The following CAP1 variants were observed in gnomAD, a reference collection of about 807,000 sequenced individuals.
CAP1 encodes cyclase associated actin cytoskeleton regulatory protein 1.
CAP1 carries 11 observed loss-of-function variants against 58.2 expected under a neutral mutation model. The observed-to-expected ratio is 0.19, with a 90% CI of 0.12 to 0.31. The LOEUF (loss-of-function observed/expected upper bound fraction) is 0.31, where lower values mean the gene tolerates loss of function less well. Among genes scored for constraint, CAP1 ranks in the 10% least tolerant of loss-of-function variants. The pLI, the probability that CAP1 is intolerant of heterozygous loss-of-function variation, is 1.00. For synonymous variants in CAP1, 183 were observed against 213.8 expected (o/e 0.86, Z 1.26); for missense variants, 423 against 587.5 (o/e 0.72, Z 2.89).
At chr1:40,043,022 T>C (rs1645910525) in intron 1 of CAP1, among the ~76,000 whole-genome samples, 1 of 152,196 alleles carries the variant, frequency 6.6e-6, no homozygotes, top group African/African-American at 2.4e-5. Context: ...TTGAGGTGTT[T>C]GTAGCACATC....
chr1:40,053,675 G>A (rs557419207), intron 1 of CAP1, among the ~76,000 whole-genome samples: 5 of 152,186 alleles, frequency 3.3e-5, no homozygotes, highest in South Asian at 2.1e-4. Flanking sequence ...TCGAACTCCC[G>A]ACCTCAGGTG....
At chr1:40,058,842 C>G (rs1458378094) in intron 1 of CAP1, among the ~76,000 whole-genome samples, 1 of 152,128 alleles carries the variant, frequency 6.6e-6, no homozygotes, top group African/African-American at 2.4e-5. Flanking sequence ...CCAGAAGGAT[C>G]AGATAAGGAT....
intron 1 of CAP1, among the ~76,000 whole-genome samples, chr1:40,043,541 G>C (rs925844662): frequency 3.9e-5 from 6 of 152,232 alleles, no homozygotes; most frequent in Admixed American, 3.9e-4. Context: ...ATTTGATTTT[G>C]TGGGTGGCAG....
chr1:40,071,648 C>G lies in CAP1; in HGVS notation c.*115C>G. ...TTGCTCTTAAAACTGCTTCTCTGCT[C>G]TGAGAAGCACAGCTACCTGCCTTCA... On this transcript the variant is annotated 3_prime_UTR_variant, in exon 13 of 13. Transcript: ENST00000372805. 1 of 674,050 alleles carries G rather than the reference C, an allele frequency of 1.5e-6. No homozygotes were observed. The highest frequency in any genetic ancestry group is 2.6e-6 in the Non-Finnish European group (1 of 386,366). 41.8% of individuals were successfully genotyped at this position (674,050 alleles called of 1,614,324 possible). A position where few individuals can be genotyped will look rare whatever the true frequency, so the allele number is the denominator to read the frequency against.
chr1:40,059,242 C>A, intron 1 of CAP1, 95 bp from the exon 2 acceptor site: 1 of 671,572 alleles, frequency 1.5e-6, no homozygotes, highest in South Asian at 1.8e-5. Flanking sequence ...GCATCCTCTT[C>A]ATCCACCTGG....
At chr1:40,059,508 G>GAA (rs1646757461) in intron 2 of CAP1, 50 bp downstream of exon 2, 1 of 1,139,000 alleles carries the variant, frequency 8.8e-7, no homozygotes, top group African/African-American at 1.5e-5. Context: ...GTCTTGGCCT[G>GAA]AAAATTTTCT....
intron 7 of CAP1, among the ~76,000 whole-genome samples, chr1:40,067,115 C>A (rs564584313): frequency 6.6e-6 from 1 of 152,250 alleles, no homozygotes; most frequent in South Asian, 2.1e-4. Flanking sequence ...AAGTTGGAAT[C>A]CTCAAAGAAG....
rs577552947 is a variant in CAP1 at position 40,070,813 on chromosome 1, A to G, written c.1201-23A>G. On this transcript the variant is annotated intron_variant, in intron 11 of 12. Coordinates refer to ENST00000372805, the MANE Select transcript of CAP1 (RefSeq NM_006367.4). ...TTGTCCTTCCCAACCACTGGGACTC[A>G]GTTCTCTTTGTTTACTCTGCAGGTA... The G allele has an allele frequency of 3.5e-5, 55 of 1,593,796 alleles. No homozygotes were observed. In the South Asian group the frequency reaches 6.0e-4, roughly 18 times the overall value.
At position 40,072,268 on chromosome 1, in the gene CAP1, A is replaced by AAAC. The variant is rs1553165777; in HGVS notation, c.*737_*738insCAA. The AAAC allele has an allele frequency of 5.5e-3, 1,822 of 332,370 alleles. 1 individual carries two copies. The highest frequency in any genetic ancestry group is 0.013 in the East Asian group (289 of 22,882). The allele number at this position is 332,370 out of a possible 1,614,324, so 20.6% of individuals were successfully genotyped here. On this transcript the variant is annotated 3_prime_UTR_variant, in exon 13 of 13. Transcript: ENST00000372805. ...CTTTAAAAGGAAAAAAAAAAAAAAA[A>AAAC]AAACCCACATGATTTCAAGGAGTCT...
At chr1:40,069,187 T>C (rs1196384848) in intron 8 of CAP1, among the ~76,000 whole-genome samples, 1 of 152,226 alleles carries the variant, frequency 6.6e-6, no homozygotes, top group Admixed American at 6.5e-5. Context: ...GTGTCAATAG[T>C]TGAACTAAAT....
At chr1:40,051,662 G>A (rs1390282014) in intron 1 of CAP1, among the ~76,000 whole-genome samples, 2 of 152,038 alleles carry the variant, frequency 1.3e-5, no homozygotes, top group African/African-American at 2.4e-5. Context: ...CGCAAGCTCC[G>A]CCTCCCGGGT....
chr1:40,068,654 G>C (rs1647238680), intron 8 of CAP1, among the ~76,000 whole-genome samples: 1 of 151,682 alleles, frequency 6.6e-6, no homozygotes, highest in Non-Finnish European at 1.5e-5. Flanking sequence ...AAAAAATCTA[G>C]TATGTAAATT....
intron 1 of CAP1, among the ~76,000 whole-genome samples, chr1:40,045,036 G>C (rs190641927): frequency 6.6e-6 from 1 of 151,696 alleles, no homozygotes; most frequent in Non-Finnish European, 1.5e-5. Context: ...TGCTCGCCTC[G>C]GCCTCCCAAG....
chr1:40,058,551 C>A (rs1053163638), intron 1 of CAP1, among the ~76,000 whole-genome samples: 13 of 152,038 alleles, frequency 8.6e-5, no homozygotes, highest in African/African-American at 3.1e-4. Context: ...CACAGTGAAA[C>A]CCTGTCGCTA....
rs1648011250 is a variant in CAP1 at position 40,071,442 on chromosome 1, A to C, written c.1345-8A>C. On this transcript the variant is annotated splice_polypyrimidine_tract_variant and splice_region_variant and intron_variant, in intron 12 of 12. Coordinates refer to ENST00000372805, the MANE Select transcript of CAP1 (RefSeq NM_006367.4). The stretch of plus-strand genomic sequence containing the variant: ...GATTTAAACCTGCTGTCTCTTCTTT[A>C]TTTGCAGAATGAATTCCCAGTTCCT... 6.2e-7 allele frequency: 1 copy of C among 1,604,070 alleles called. No homozygotes were observed. The highest frequency in any genetic ancestry group is 1.3e-5 in the African/African-American group (1 of 74,670).
chr1:40,062,261 G>T (rs951946598), intron 4 of CAP1, among the ~76,000 whole-genome samples: 1 of 152,070 alleles, frequency 6.6e-6, no homozygotes, highest in African/African-American at 2.4e-5. Context: ...AAATTTTATG[G>T]TGCAAGATGT....
At chr1:40,058,083 A>T (rs1017291530) in intron 1 of CAP1, among the ~76,000 whole-genome samples, 2 of 152,230 alleles carry the variant, frequency 1.3e-5, no homozygotes, top group Non-Finnish European at 2.9e-5. Context: ...GGAACAAGCT[A>T]TATAAGGTCC....
intron 1 of CAP1, among the ~76,000 whole-genome samples, chr1:40,048,899 T>A (rs1646228932): frequency 6.6e-6 from 1 of 152,140 alleles, no homozygotes; most frequent in Non-Finnish European, 1.5e-5. Flanking sequence ...ACAGGCTGAT[T>A]TGTATGGGTG....
intron 4 of CAP1, among the ~76,000 whole-genome samples, chr1:40,064,024 C>CA: frequency 6.6e-6 from 1 of 152,184 alleles, no homozygotes; most frequent in African/African-American, 2.4e-5. Context: ...GAAGAACCAT[C>CA]AGGTGCAGCC....
Sources: allele counts gnomAD v4.1 joint callset (sites outside exome capture counted in the v4.1 genomes callset), GRCh38; gene constraint gnomAD v4.1.1; transcripts MANE v1.5; gene names NCBI Gene and HGNC (gene_info 2026-07-23, HGNC 2026-07-21).